The following IL1RAPL2 variants were observed in gnomAD, a reference collection of about 807,000 sequenced individuals.
IL1RAPL2 encodes interleukin 1 receptor accessory protein like 2.
Under a neutral mutation model 44.1 loss-of-function variants are expected in IL1RAPL2, and 3 were observed. The observed-to-expected ratio is 0.07, with a 90% CI of 0.03 to 0.18. The LOEUF (loss-of-function observed/expected upper bound fraction) is 0.18, where lower values mean the gene tolerates loss of function less well. Among genes scored for constraint, IL1RAPL2 ranks in the 10% least tolerant of loss-of-function variants. The pLI, the probability that IL1RAPL2 is intolerant of heterozygous loss-of-function variation, is 1.00. For missense variants in IL1RAPL2, 391 were observed against 496.4 expected (o/e 0.79, Z 2.02); for synonymous variants, 181 against 178.8 (o/e 1.01, Z -0.10).
At chrX:105,510,905 T>C (rs886356571) in intron 6 of IL1RAPL2, among the ~76,000 whole-genome samples, 3 of 112,084 alleles carry the variant, frequency 2.7e-5, no homozygotes, top group Non-Finnish European at 3.8e-5. Context: ...TGTGTTGTTT[T>C]GCCACAAACT....
At chrX:104,942,264 G>T (rs1271538266) in intron 2 of IL1RAPL2, among the ~76,000 whole-genome samples, 1 of 111,924 alleles carries the variant, frequency 8.9e-6, no homozygotes, top group Admixed American at 9.5e-5. Context: ...GATGGGGATG[G>T]CATTGAATCT....
chrX:105,568,118 A>G (rs960248122), intron 6 of IL1RAPL2, among the ~76,000 whole-genome samples: 2 of 111,230 alleles, frequency 1.8e-5, no homozygotes, highest in African/African-American at 3.3e-5. Context: ...AGATGGAGAC[A>G]GAGTCAAAGA....
At chrX:105,265,224 C>A (rs757699456) in intron 4 of IL1RAPL2, among the ~76,000 whole-genome samples, 1 of 112,108 alleles carries the variant, frequency 8.9e-6, no homozygotes, top group African/African-American at 3.2e-5. Context: ...TGTGTGAAAG[C>A]GCAGCAGCTC....
intron 2 of IL1RAPL2, among the ~76,000 whole-genome samples, chrX:104,733,231 T>G (rs1161066908): frequency 9.0e-6 from 1 of 111,628 alleles, no homozygotes; most frequent in Admixed American, 9.6e-5. Flanking sequence ...ATGAAAGTTA[T>G]GCGTATTGGA....
intron 5 of IL1RAPL2, among the ~76,000 whole-genome samples, chrX:105,405,315 CAGT>C (rs1213383992): frequency 1.8e-5 from 2 of 111,723 alleles, no homozygotes; most frequent in Admixed American, 9.5e-5. Flanking sequence ...ATAAGATTAA[CAGT>C]GATATAAATT....
chrX:104,934,589 G>C (rs1924985004), intron 2 of IL1RAPL2, among the ~76,000 whole-genome samples: 1 of 110,866 alleles, frequency 9.0e-6, no homozygotes, highest in Admixed American at 9.7e-5. Context: ...CTGAAGAATG[G>C]ATATCCAGTT....
At chrX:104,665,944 A>G (rs1401550491) in intron 2 of IL1RAPL2, among the ~76,000 whole-genome samples, 1 of 111,595 alleles carries the variant, frequency 9.0e-6, no homozygotes, top group African/African-American at 3.3e-5. Context: ...TAAAGTTTTT[A>G]TTTAAATTTT....
At chrX:104,726,422 T>C (rs188457889) in intron 2 of IL1RAPL2, among the ~76,000 whole-genome samples, 37 of 111,729 alleles carry the variant, frequency 3.3e-4, no homozygotes, top group Non-Finnish European at 3.8e-4. Context: ...GTGAAGAAAG[T>C]CAGTGTTAGC....
chrX:104,690,229 A>G (rs1931068388), intron 2 of IL1RAPL2, among the ~76,000 whole-genome samples: 1 of 112,597 alleles, frequency 8.9e-6, no homozygotes, highest in South Asian at 3.7e-4. Context: ...ACCTAATGCA[A>G]TAAATGTTTA....
chrX:105,481,657 A>G (rs1382504513), intron 5 of IL1RAPL2, among the ~76,000 whole-genome samples: 1 of 112,556 alleles, frequency 8.9e-6, no homozygotes, highest in East Asian at 2.8e-4. Context: ...ATTTTAAAAT[A>G]AGATTGCCCA....
rs190651712 is a variant in IL1RAPL2, at chrX:105,737,099, A to G, written c.903-3447A>G. On this transcript the variant is annotated intron_variant, in intron 7 of 10. Coordinates refer to ENST00000372582, the MANE Select transcript of IL1RAPL2 (RefSeq NM_017416.2). ...TTGCAGCAACATGGATGGAGCTGGA[A>G]GCCATTATCCTAAGTGAACTAACAC... 2.1e-3 allele frequency among the ~76,000 whole-genome samples: 231 copies of G among 111,594 alleles called. 3 individuals are homozygous for G. Among genetic ancestry groups the G allele is most frequent in the African/African-American group, 7.3e-3 (224 of 30,728 alleles).
intron 2 of IL1RAPL2, among the ~76,000 whole-genome samples, chrX:105,121,772 G>A (rs2032927898): frequency 9.0e-6 from 1 of 111,180 alleles, no homozygotes; most frequent in Non-Finnish European, 1.9e-5. Context: ...TTCGATCAAA[G>A]CAAAGTGGTT....
chrX:104,953,370 C>A (rs886543296), intron 2 of IL1RAPL2, among the ~76,000 whole-genome samples: 3 of 111,876 alleles, frequency 2.7e-5, no homozygotes, highest in Non-Finnish European at 3.8e-5. Flanking sequence ...AATTTGGATT[C>A]TCTATAAACA....
chrX:105,699,566 TTC>T (rs1415856676), intron 6 of IL1RAPL2, among the ~76,000 whole-genome samples: 2 of 111,735 alleles, frequency 1.8e-5, no homozygotes, highest in African/African-American at 6.5e-5. Flanking sequence ...TCCAGTTAAA[TTC>T]TCTTTCTTTG....
At chrX:105,479,363 G>A (rs964744238) in intron 5 of IL1RAPL2, among the ~76,000 whole-genome samples, 1 of 111,657 alleles carries the variant, frequency 9.0e-6, no homozygotes, top group Non-Finnish European at 1.9e-5. Context: ...TTTAAGCCAA[G>A]ATGCATAGTT....
rs1327265984 is a variant in IL1RAPL2, at chrX:104,648,649, C to T, written c.-19-10246C>T. 2.7e-5 allele frequency among the ~76,000 whole-genome samples: 3 copies of T among 111,394 alleles called. No homozygotes were observed. The Admixed American group carries it at 2.9e-4, about 11-fold the overall frequency. On this transcript the variant is annotated intron_variant, in intron 1 of 10. Coordinates refer to ENST00000372582, the MANE Select transcript of IL1RAPL2 (RefSeq NM_017416.2). ...TTTTTGTCTAAACTGCTTGTAACAC[C>T]TTATACCTACTACTTCTAGGTTTCC...
chrX:105,311,551 C>T lies in IL1RAPL2; in HGVS notation c.697+44010C>T, dbSNP rs190302770. 3.7e-3 allele frequency among the ~76,000 whole-genome samples: 392 copies of T among 106,671 alleles called. 16 individuals are homozygous for T. In the East Asian group the frequency reaches 0.089, roughly 24 times the overall value. 92.6% of individuals were successfully genotyped at this position (106,671 alleles called of 115,157 possible). On this transcript the variant is annotated intron_variant, in intron 5 of 10. Transcript: ENST00000372582. Reference sequence around the variant, plus strand: ...CTACTTATAAAATATGGAAACTTTGCTTTGCAACAGTTTGTTTTCATTTAT... The same window carrying T: ...CTACTTATAAAATATGGAAACTTTGTTTTGCAACAGTTTGTTTTCATTTAT...
At chrX:104,622,138 G>T (rs1929412502) in intron 1 of IL1RAPL2, among the ~76,000 whole-genome samples, 1 of 109,948 alleles carries the variant, frequency 9.1e-6, no homozygotes, top group African/African-American at 3.3e-5. Flanking sequence ...ACATTTTGAA[G>T]AAATTCCTTT....
At chrX:104,931,735 A>G (rs1455519744) in intron 2 of IL1RAPL2, among the ~76,000 whole-genome samples, 1 of 111,521 alleles carries the variant, frequency 9.0e-6, no homozygotes, top group African/African-American at 3.3e-5. Flanking sequence ...AAAATAAATT[A>G]AAAGAACTTT....
Sources: gnomAD v4.1 joint callset for allele counts (sites outside exome capture counted in the v4.1 genomes callset) on GRCh38, gnomAD v4.1.1 for gene constraint, MANE v1.5 for transcripts, NCBI Gene and HGNC (gene_info 2026-07-23, HGNC 2026-07-21) for gene names.